PPP1R1C: variants seen among roughly 807,000 people sequenced by gnomAD.
PPP1R1C encodes the protein protein phosphatase 1 regulatory inhibitor subunit 1C, also known as protein phosphatase 1 regulatory subunit 1C.
A neutral mutation model predicts 17.4 loss-of-function variants in PPP1R1C; 15 were observed. That is an observed-to-expected ratio of 0.86 (90% CI 0.58 to 1.33). PPP1R1C has a LOEUF of 1.33. Among genes scored for constraint, PPP1R1C ranks in the 40% most tolerant of loss-of-function variants. The pLI is 0.00. For synonymous variants in PPP1R1C, 35 were observed against 43.1 expected (o/e 0.81, Z 0.73); for missense variants, 143 against 130.0 (o/e 1.10, Z -0.48).
At chr2:182,045,444 A>C (rs968276948) in intron 2 of PPP1R1C, among the ~76,000 whole-genome samples, 9 of 151,992 alleles carry the variant, frequency 5.9e-5, no homozygotes, top group African/African-American at 2.4e-5. Flanking sequence ...TAGTAACAAA[A>C]AAAAAAAAAC....
At chr2:181,970,114 T>C (rs1684977696) in intron 1 of PPP1R1C, among the ~76,000 whole-genome samples, 1 of 152,048 alleles carries the variant, frequency 6.6e-6, no homozygotes, top group African/African-American at 2.4e-5. Context: ...GATTGGTCCA[T>C]GGTGTCTTGT....
intron 4 of PPP1R1C, among the ~76,000 whole-genome samples, chr2:182,093,626 T>C (rs1429738316): frequency 6.6e-6 from 1 of 152,226 alleles, no homozygotes; most frequent in Non-Finnish European, 1.5e-5. Flanking sequence ...TCTTAATGCT[T>C]TGCTGCTTAG....
chr2:182,100,746 C>G (rs1394031179), intron 4 of PPP1R1C, among the ~76,000 whole-genome samples: 1 of 152,178 alleles, frequency 6.6e-6, no homozygotes, highest in African/African-American at 2.4e-5. Context: ...CTACTTCAGC[C>G]TCCACACCAG....
rs572633940 is a variant in PPP1R1C, at chr2:182,117,247, T to TGAA, written c.293_295dup (p.Glu98dup). On this transcript the variant is annotated inframe_insertion, in exon 5 of 5. Coordinates refer to ENST00000682840, the MANE Select transcript of PPP1R1C (RefSeq NM_001080545.3). ...AAGGCCAGAATGAATCAGCATTCCC[T>TGAA]GAAGAAGAAGAAGGCACCAATGAAA... The TGAA allele has an allele frequency of 6.4e-7, 1 of 1,559,398 alleles. No individual in the cohort carries two copies. Among genetic ancestry groups the TGAA allele is most frequent in the East Asian group, 2.4e-5 (1 of 41,856 alleles).
chr2:182,091,201 G>C (rs897200350), intron 4 of PPP1R1C, among the ~76,000 whole-genome samples: 1 of 152,150 alleles, frequency 6.6e-6, no homozygotes, highest in Non-Finnish European at 1.5e-5. Flanking sequence ...ATTAAAAGTA[G>C]TAGGGAGACT....
intron 4 of PPP1R1C, among the ~76,000 whole-genome samples, chr2:182,093,276 T>A (rs1000739216): frequency 6.6e-6 from 1 of 151,812 alleles, no homozygotes; most frequent in African/African-American, 2.4e-5. Context: ...ACAGCTGGAG[T>A]AGCTGGGACC....
At chr2:182,022,756 C>T (rs1300024806) in intron 2 of PPP1R1C, among the ~76,000 whole-genome samples, 2 of 152,048 alleles carry the variant, frequency 1.3e-5, no homozygotes, top group Non-Finnish European at 2.9e-5. Context: ...GGCCAGGCTT[C>T]CATAATTAAT....
intron 1 of PPP1R1C, among the ~76,000 whole-genome samples, chr2:181,968,498 A>G (rs1684946467): frequency 6.6e-6 from 1 of 152,150 alleles, no homozygotes; most frequent in Non-Finnish European, 1.5e-5. Context: ...TTTGTCTAAT[A>G]TAAGTATAGT....
intron 2 of PPP1R1C, among the ~76,000 whole-genome samples, chr2:182,032,326 A>G (rs1326372698): frequency 2.0e-5 from 3 of 152,186 alleles, no homozygotes; most frequent in African/African-American, 4.8e-5. Context: ...CGGTTTCTCA[A>G]TGAGACCTAC....
At chr2:182,056,545 G>C (rs1196155) in intron 2 of PPP1R1C, among the ~76,000 whole-genome samples, 113,225 of 152,036 alleles carry the variant, frequency 0.74, 42,415 homozygotes, top group Middle Eastern at 0.77. Context: ...TCCAAAATAG[G>C]TGCCTAAAAT....
At chr2:182,031,310 A>T (rs994271900) in intron 2 of PPP1R1C, among the ~76,000 whole-genome samples, 2 of 152,226 alleles carry the variant, frequency 1.3e-5, no homozygotes, top group African/African-American at 4.8e-5. Flanking sequence ...TGATGATTAT[A>T]TTTGGATAGT....
downstream of PPP1R1C, chr2:182,131,267 T>C (rs1690001934): frequency 6.6e-6 from 1 of 152,128 alleles, no homozygotes; most frequent in Non-Finnish European, 1.5e-5. Flanking sequence ...TACACATGTA[T>C]GTGTATGCAA....
Position 182,002,939 on chromosome 2 carries a change from C to G in PPP1R1C, c.142+15040C>G, listed in dbSNP as rs561741478. ...AGTGATGCCATAAACCTCCCCCCCC[C>G]CACAACCCTGAAATCCCCCAGAACT... On this transcript the variant is annotated intron_variant, in intron 2 of 4. Transcript: ENST00000682840. Among the ~76,000 whole-genome samples, 3 of 141,580 alleles carry G rather than the reference C, an allele frequency of 2.1e-5. No homozygotes were observed. The South Asian group carries it at 7.3e-4, about 34-fold the overall frequency. The allele number at this position is 141,580 out of a possible 152,430, so 92.9% of individuals were successfully genotyped here.
chr2:182,113,525 A>G (rs1035896303), intron 4 of PPP1R1C, among the ~76,000 whole-genome samples: 3 of 152,152 alleles, frequency 2.0e-5, no homozygotes, highest in Non-Finnish European at 2.9e-5. Context: ...TTAGAGAGCA[A>G]TTCCCTTTCT....
chr2:182,030,599 A>C (rs7579605), intron 2 of PPP1R1C, among the ~76,000 whole-genome samples: 90,879 of 144,672 alleles, frequency 0.63, 29,707 homozygotes, highest in Non-Finnish European at 0.74. Context: ...TGCTGGGAGA[A>C]CCACTGCTCT....
chr2:182,115,534 C>T (rs1207521415), intron 4 of PPP1R1C, among the ~76,000 whole-genome samples: 2 of 152,090 alleles, frequency 1.3e-5, no homozygotes, highest in African/African-American at 4.8e-5. Context: ...ATGTAAGACT[C>T]AAGCAGAGTG....
intron 4 of PPP1R1C, among the ~76,000 whole-genome samples, chr2:182,114,628 T>G (rs1017438627): frequency 6.6e-6 from 1 of 152,106 alleles, no homozygotes; most frequent in Non-Finnish European, 1.5e-5. Context: ...AATTGAAAGA[T>G]GGTATTAGAG....
intron 2 of PPP1R1C, among the ~76,000 whole-genome samples, chr2:181,997,186 G>A (rs1317148896): frequency 2.0e-5 from 3 of 148,038 alleles, no homozygotes; most frequent in Non-Finnish European, 3.0e-5. Flanking sequence ...TTGACATTGC[G>A]CCACTGCACT....
chr2:182,004,335 A>G (rs1335946026), intron 2 of PPP1R1C, among the ~76,000 whole-genome samples: 1 of 152,222 alleles, frequency 6.6e-6, no homozygotes, highest in Admixed American at 6.5e-5. Context: ...TTCATTTAAC[A>G]GATAGTTACT....
Sources: gnomAD v4.1 joint callset for allele counts (sites outside exome capture counted in the v4.1 genomes callset) on GRCh38, gnomAD v4.1.1 for gene constraint, MANE v1.5 for transcripts, NCBI Gene and HGNC (gene_info 2026-07-23, HGNC 2026-07-21) for gene names.